Variants in GALNT13 observed in about 807,000 individuals in gnomAD.
GALNT13 encodes the protein polypeptide N-acetylgalactosaminyltransferase 13.
Under a neutral mutation model 64.2 loss-of-function variants are expected in GALNT13, and 28 were observed. The ratio of observed to expected loss-of-function variants is 0.44; its 90% CI spans 0.32 to 0.60. The LOEUF (loss-of-function observed/expected upper bound fraction) is 0.60, where lower values mean the gene tolerates loss of function less well. Ranked by LOEUF, GALNT13 falls within the 20% of genes least tolerant of loss-of-function variation. The pLI is 0.05. For synonymous variants in GALNT13, 214 were observed against 224.6 expected, an observed-to-expected ratio of 0.95 and a Z score of 0.42; for missense variants, 577 against 669.8, an observed-to-expected ratio of 0.86 and a Z score of 1.53.
chr2:154,427,195 A>G (rs748156708), intron 11 of GALNT13, among the ~76,000 whole-genome samples: 21 of 152,200 alleles, frequency 1.4e-4, no homozygotes, highest in Non-Finnish European at 4.4e-5. Flanking sequence ...TTTTTCTCAG[A>G]TGAGGAATCC....
At chr2:154,330,151 C>T (rs1270979711) in intron 9 of GALNT13, among the ~76,000 whole-genome samples, 1 of 152,080 alleles carries the variant, frequency 6.6e-6, no homozygotes, top group Non-Finnish European at 1.5e-5. Context: ...AGCAAGGAGA[C>T]ACAATCTCAT....
chr2:153,483,410 C>CTTTTTTTTTTTTT, the GALNT13 span, among the ~76,000 whole-genome samples: 1 of 71,774 alleles, frequency 1.4e-5, no homozygotes, highest in Non-Finnish European at 2.6e-5. Flanking sequence ...GAATAAAATT[C>CTTTTTTTTTTTTT]TTTTTTTTTT....
chr2:153,280,110 C>G, the GALNT13 span, among the ~76,000 whole-genome samples: 3 of 152,028 alleles, frequency 2.0e-5, no homozygotes, highest in African/African-American at 4.8e-5. Flanking sequence ...TTGTGTGTTT[C>G]TAGGAATGTA....
At chr2:153,634,140 GA>G in the GALNT13 span, among the ~76,000 whole-genome samples, 1 of 152,008 alleles carries the variant, frequency 6.6e-6, no homozygotes, top group African/African-American at 2.4e-5. Flanking sequence ...CAGTAGTCCA[GA>G]ACCACCGGGA....
At chr2:153,927,375 T>C (rs1293644709) in intron 2 of GALNT13, among the ~76,000 whole-genome samples, 1 of 152,050 alleles carries the variant, frequency 6.6e-6, no homozygotes, top group Non-Finnish European at 1.5e-5. Flanking sequence ...ACAGGTTGGC[T>C]TTTCATGTGC....
At chr2:153,641,994 G>A in the GALNT13 span, among the ~76,000 whole-genome samples, 1 of 151,730 alleles carries the variant, frequency 6.6e-6, no homozygotes, top group Non-Finnish European at 1.5e-5. Flanking sequence ...TCAATCATAT[G>A]TTAAATTATC....
chr2:154,427,633 AG>A (rs1309060934), intron 11 of GALNT13, among the ~76,000 whole-genome samples: 6 of 152,232 alleles, frequency 3.9e-5, no homozygotes, highest in African/African-American at 1.4e-4. Context: ...ACTGAACATA[AG>A]ATGCATACCC....
At chr2:153,739,608 A>T in the GALNT13 span, among the ~76,000 whole-genome samples, 1 of 137,788 alleles carries the variant, frequency 7.3e-6, no homozygotes, top group African/African-American at 2.6e-5. Flanking sequence ...TTATTTATTA[A>T]AAATGAGATT....
chr2:153,846,724 A>G, the GALNT13 span, among the ~76,000 whole-genome samples: 5 of 152,098 alleles, frequency 3.3e-5, no homozygotes, highest in Non-Finnish European at 7.4e-5. Flanking sequence ...AATCCAAAAA[A>G]CAGACTCACT....
the GALNT13 span, among the ~76,000 whole-genome samples, chr2:153,188,641 A>G: frequency 6.6e-6 from 1 of 152,148 alleles, no homozygotes; most frequent in African/African-American, 2.4e-5. Flanking sequence ...AGGCAGAGGT[A>G]CATATATACT....
chr2:153,601,136 A>T, the GALNT13 span, among the ~76,000 whole-genome samples: 1 of 151,292 alleles, frequency 6.6e-6, no homozygotes. Flanking sequence ...ACATACATAC[A>T]TTCTTTTAAT....
At chr2:153,416,172 A>T in the GALNT13 span, among the ~76,000 whole-genome samples, 1 of 152,294 alleles carries the variant, frequency 6.6e-6, no homozygotes, top group South Asian at 2.1e-4. Context: ...ATACTCTGAA[A>T]GTTACTATTG....
chr2:153,927,586 C>A (rs1690238959), intron 2 of GALNT13, among the ~76,000 whole-genome samples: 1 of 151,840 alleles, frequency 6.6e-6, no homozygotes, highest in African/African-American at 2.4e-5. Context: ...GTTTTCTTTG[C>A]TAATAAGAAT....
At chr2:153,916,199 C>T (rs1185715828) in intron 2 of GALNT13, among the ~76,000 whole-genome samples, 1 of 150,194 alleles carries the variant, frequency 6.7e-6, no homozygotes, top group Non-Finnish European at 1.5e-5. Context: ...GCTCTGTCAC[C>T]CAAGCTGGAG....
intron 9 of GALNT13, among the ~76,000 whole-genome samples, chr2:154,312,348 G>A (rs1203673866): frequency 6.6e-6 from 1 of 152,114 alleles, no homozygotes; most frequent in Non-Finnish European, 1.5e-5. Flanking sequence ...CCCAATTGCT[G>A]GTAGCAATGA....
intron 7 of GALNT13, among the ~76,000 whole-genome samples, chr2:154,253,445 C>CT (rs1690196773): frequency 6.6e-6 from 1 of 152,106 alleles, no homozygotes; most frequent in African/African-American, 2.4e-5. Flanking sequence ...CAAATGCATA[C>CT]TTTTTTGAGA....
chr2:154,401,719 C>G (rs1388369161), intron 10 of GALNT13, among the ~76,000 whole-genome samples: 1 of 152,114 alleles, frequency 6.6e-6, no homozygotes, highest in Non-Finnish European at 1.5e-5. Flanking sequence ...ATTCAATTCT[C>G]TCAGGATTTT....
chr2:154,201,206 A>T (rs1443654717), intron 4 of GALNT13, among the ~76,000 whole-genome samples: 1 of 152,120 alleles, frequency 6.6e-6, no homozygotes, highest in Non-Finnish European at 1.5e-5. Flanking sequence ...CTGCAGAGTG[A>T]TGAAATTATA....
chr2:154,305,458 A>T (rs1454706235), intron 9 of GALNT13, among the ~76,000 whole-genome samples: 1 of 152,198 alleles, frequency 6.6e-6, no homozygotes, highest in African/African-American at 2.4e-5. Flanking sequence ...TGAGCTTCTC[A>T]GAACTTCCTT....
Sources: allele counts gnomAD v4.1 joint callset (sites outside exome capture counted in the v4.1 genomes callset), GRCh38; gene constraint gnomAD v4.1.1; transcripts MANE v1.5; gene names NCBI Gene and HGNC (gene_info 2026-07-23, HGNC 2026-07-21).